The following FAM193A variants were observed in gnomAD, a reference collection of about 807,000 sequenced individuals.
FAM193A encodes protein FAM193A.
In FAM193A, 22 loss-of-function variants were observed where a neutral mutation model predicts 126.5. The observed-to-expected ratio is 0.17, with a 90% CI of 0.12 to 0.25. FAM193A has a LOEUF of 0.25. FAM193A is among the 10% of genes least tolerant of loss of function. The probability of loss-of-function intolerance (pLI) is 1.00; values close to 1 mark genes in which losing one functional copy is unlikely to be tolerated. For synonymous variants in FAM193A, 761 were observed against 646.8 expected (o/e 1.18, Z -2.68); for missense variants, 1,675 against 1,672.8 (o/e 1.00, Z -0.02).
intron 1 of FAM193A, among the ~76,000 whole-genome samples, chr4:2,587,624 G>T (rs1193788573): frequency 6.6e-6 from 1 of 152,188 alleles, no homozygotes; most frequent in Non-Finnish European, 1.5e-5. Flanking sequence ...AGCCCGGGTG[G>T]TGGAGGTTGC....
Position 2,566,942 on chromosome 4 carries a change from CT to C in FAM193A, c.256-29127del, listed in dbSNP as rs71644339. Among the ~76,000 whole-genome samples, 506 of 138,868 alleles carry C rather than the reference CT, an allele frequency of 3.6e-3. 2 individuals are homozygous for C. Among genetic ancestry groups the C allele is most frequent in the Middle Eastern group, 7.5e-3 (2 of 266 alleles). The allele number at this position is 138,868 out of a possible 152,430, so 91.1% of individuals were successfully genotyped here. On this transcript the variant is annotated intron_variant, in intron 1 of 20. Transcript: ENST00000637812. ...AAATTGACTAGCTGAATTTCTTTTT[CT>C]TTTTTTTTTTTTTTGAGACGGAGTC...
intron 2 of FAM193A, among the ~76,000 whole-genome samples, chr4:2,623,405 C>T (rs1478186283): frequency 6.6e-6 from 1 of 152,084 alleles, no homozygotes; most frequent in African/African-American, 2.4e-5. Context: ...CTCTTGACCT[C>T]GTGATCTGCC....
intron 1 of FAM193A, among the ~76,000 whole-genome samples, chr4:2,552,233 G>A (rs577812465): frequency 1.1e-4 from 17 of 151,906 alleles, no homozygotes; most frequent in East Asian, 7.8e-4. Context: ...GGATGATCTC[G>A]ACCTCCTGAC....
chr4:2,731,724 T>C (rs956827024), intron 20 of FAM193A, 51 bp from the exon 21 acceptor site: 3 of 1,413,184 alleles, frequency 2.1e-6, no homozygotes, highest in Non-Finnish European at 3.0e-6. Context: ...AAGCACCAGC[T>C]TGGTTGTGGG....
intron 1 of FAM193A, among the ~76,000 whole-genome samples, chr4:2,545,474 G>T (rs1300867539): frequency 1.3e-5 from 2 of 151,820 alleles, no homozygotes; most frequent in African/African-American, 4.8e-5. Context: ...CATTTGGATT[G>T]TTTTATGGCT....
chr4:2,559,765 C>T (rs1333252949), intron 1 of FAM193A, among the ~76,000 whole-genome samples: 2 of 152,160 alleles, frequency 1.3e-5, no homozygotes, highest in African/African-American at 2.4e-5. Context: ...CTTGTTCCTG[C>T]CAGACTCCGG....
chr4:2,607,218 G>A (rs1182555096), intron 2 of FAM193A, among the ~76,000 whole-genome samples: 2 of 152,106 alleles, frequency 1.3e-5, no homozygotes, highest in African/African-American at 2.4e-5. Flanking sequence ...TATTTTTATT[G>A]CATCAAGGAC....
At chr4:2,543,991 A>G (rs916032746) in intron 1 of FAM193A, among the ~76,000 whole-genome samples, 3 of 151,742 alleles carry the variant, frequency 2.0e-5, no homozygotes, top group Non-Finnish European at 4.4e-5. Flanking sequence ...TTTGGGGTAC[A>G]TGAGGGTGCA....
rs1194874291 is a variant in FAM193A, at chr4:2,596,087, C to A, written c.259C>A (p.Pro87Thr). The A allele has an allele frequency of 4.3e-6, 3 of 697,482 alleles. No individual in the cohort carries two copies. In the South Asian group the frequency reaches 4.5e-5, roughly 10 times the overall value. 43.2% of individuals were successfully genotyped at this position (697,482 alleles called of 1,614,324 possible). The change falls in exon 2 of 21, where the codon CCT becomes ACT. Residue 87 changes from proline to threonine, a missense_variant. Coordinates refer to ENST00000637812, the MANE Select transcript of FAM193A (RefSeq NM_001366318.2). ...GAATTTTTTTTTTCTATTCCAGACT[C>A]CTTTTAGTTTTGGCATGAATCATAG... is the stretch of plus-strand genomic sequence containing the variant. Reference protein sequence around the residue: ...GAAPGGYFETPFSFGMNHRTP... With the variant: ...GAAPGGYFETTFSFGMNHRTP...
At chr4:2,542,032 T>TC (rs1033291425) in intron 1 of FAM193A, among the ~76,000 whole-genome samples, 3 of 151,366 alleles carry the variant, frequency 2.0e-5, no homozygotes, top group African/African-American at 7.3e-5. Context: ...TTTTTTTTTT[T>TC]CAAGACAGAG....
intron 2 of FAM193A, among the ~76,000 whole-genome samples, chr4:2,597,683 G>A (rs1740944875): frequency 6.6e-6 from 1 of 152,192 alleles, no homozygotes; most frequent in African/African-American, 2.4e-5. Context: ...GCCTGTGTTT[G>A]TGGATTCGGA....
intron 2 of FAM193A, among the ~76,000 whole-genome samples, chr4:2,599,902 ATTTTT>A (rs759734987): frequency 1.3e-4 from 18 of 143,008 alleles, no homozygotes; most frequent in South Asian, 2.3e-4. Context: ...CACCTGGCTA[ATTTTT>A]TTTTTTTTTT....
intron 19 of FAM193A, among the ~76,000 whole-genome samples, chr4:2,707,633 TA>T (rs1039699353): frequency 7.9e-5 from 12 of 152,102 alleles, no homozygotes; most frequent in African/African-American, 1.4e-4. Context: ...CCCGTTTCTT[TA>T]AAAAAAATTT....
intron 1 of FAM193A, among the ~76,000 whole-genome samples, chr4:2,564,246 A>AT (rs989079127): frequency 1.2e-4 from 18 of 149,912 alleles, no homozygotes; most frequent in African/African-American, 1.7e-4. Context: ...AACCTGGCTA[A>AT]TTTTTTTTTT....
At position 2,604,791 on chromosome 4, in the gene FAM193A, C is replaced by CTT. The variant is rs869148370; in HGVS notation, c.501+8484_501+8485dup. Among the ~76,000 whole-genome samples the CTT allele has an allele frequency of 7.1e-3, 711 of 99,610 alleles. 17 individuals are homozygous for CTT. Among genetic ancestry groups the CTT allele is most frequent in the African/African-American group, 0.024 (551 of 22,834 alleles). The allele number at this position is 99,610 out of a possible 152,430, so 65.3% of individuals were successfully genotyped here. ...CTGCTTTTTTTCTTTTTTCTTTTTCCTTTTTTTTTTTTTTTTTTTTTTTGG... is the reference window on the plus strand; with the variant it reads ...CTGCTTTTTTTCTTTTTTCTTTTTCCTTTTTTTTTTTTTTTTTTTTTTTTTGG... On this transcript the variant is annotated intron_variant, in intron 2 of 20. Coordinates refer to ENST00000637812, the MANE Select transcript of FAM193A (RefSeq NM_001366318.2).
chr4:2,696,333 A>T (rs779210161), intron 17 of FAM193A, 30 bp from the exon 18 acceptor site: 6 of 1,499,296 alleles, frequency 4.0e-6, no homozygotes, highest in Non-Finnish European at 5.5e-6. Flanking sequence ...AATTTTTAAA[A>T]CTTAAGCATA....
intron 18 of FAM193A, among the ~76,000 whole-genome samples, chr4:2,699,064 A>G (rs773286546): frequency 5.3e-5 from 8 of 152,120 alleles, no homozygotes; most frequent in African/African-American, 7.2e-5. Context: ...CATCCAGCTA[A>G]TTTTGATACT....
intron 5 of FAM193A, among the ~76,000 whole-genome samples, chr4:2,639,012 T>C (rs1744355753): frequency 6.6e-6 from 1 of 152,154 alleles, no homozygotes; most frequent in Admixed American, 6.5e-5. Context: ...GTCCGTGTAG[T>C]TGACAGAGGG....
intron 19 of FAM193A, chr4:2,715,456 GAAAA>G (rs1719438584): frequency 1.0e-6 from 1 of 982,110 alleles, no homozygotes; most frequent in African/African-American, 1.7e-5. Context: ...ATAAAAAAAA[GAAAA>G]AAGTTTTTGA....
Sources: allele counts gnomAD v4.1 joint callset (sites outside exome capture counted in the v4.1 genomes callset), GRCh38; gene constraint gnomAD v4.1.1; transcripts MANE v1.5; gene names NCBI Gene and HGNC (gene_info 2026-07-23, HGNC 2026-07-21).